The following MTMR8 variants were observed in gnomAD, a reference collection of about 807,000 sequenced individuals.
The protein encoded by MTMR8 is phosphatidylinositol-3,5-bisphosphate 3-phosphatase MTMR8.
Under a neutral mutation model 39.3 loss-of-function variants are expected in MTMR8, and 65 were observed. That is an observed-to-expected ratio of 1.65 (90% confidence interval 1.35 to 2.03). The LOEUF is 2.03. Among genes scored for constraint, MTMR8 ranks in the 30% most tolerant of loss-of-function variants. The pLI is 0.00. For synonymous variants in MTMR8, 245 were observed against 185.2 expected (o/e 1.32, Z -2.62); for missense variants, 777 against 538.9 (o/e 1.44, Z -4.37).
chrX:64,287,483 C>T (rs1921227070), intron 12 of MTMR8, among the ~76,000 whole-genome samples: 1 of 110,848 alleles, frequency 9.0e-6, no homozygotes, highest in East Asian at 2.9e-4. Context: ...TCATATGGAA[C>T]CAAAAAAAGA....
chrX:64,286,175 C>A (rs1391719741), intron 12 of MTMR8, among the ~76,000 whole-genome samples: 1 of 111,950 alleles, frequency 8.9e-6, no homozygotes, highest in Non-Finnish European at 1.9e-5. Flanking sequence ...ATATAAACTA[C>A]CATCAGAGAA....
At chrX:64,296,316 G>C (rs1921578933) in intron 12 of MTMR8, among the ~76,000 whole-genome samples, 1 of 111,258 alleles carries the variant, frequency 9.0e-6, no homozygotes, top group African/African-American at 3.3e-5. Context: ...CTGCTGGGAG[G>C]GGAAAATGGA....
intron 12 of MTMR8, among the ~76,000 whole-genome samples, chrX:64,280,658 C>T (rs766449236): frequency 6.3e-5 from 7 of 111,459 alleles, no homozygotes; most frequent in Admixed American, 5.7e-4. Flanking sequence ...TGCCCTCTCT[C>T]ACTACTCCTG....
At chrX:64,288,263 A>G in intron 12 of MTMR8, among the ~76,000 whole-genome samples, 1 of 110,798 alleles carries the variant, frequency 9.0e-6, no homozygotes. Flanking sequence ...TGAGCCATGA[A>G]ACAATGCTCA....
rs772618032 is a variant in MTMR8 at position 64,348,638 on chromosome X, G to T, written c.732+22C>A. 23 of 1,205,618 alleles carry T rather than the reference G, an allele frequency of 1.9e-5. No individual in the cohort carries two copies. In the Admixed American group the frequency reaches 4.2e-4, roughly 22 times the overall value. ...GAATGCAAGAGGCAGAAATATCAAA[G>T]AAATCACTGAGAAATAGATACCTTT... On this transcript the variant is annotated intron_variant, in intron 6 of 13. Transcript: ENST00000374852.
chrX:64,319,670 C>A (rs1922574876), intron 12 of MTMR8, among the ~76,000 whole-genome samples: 1 of 111,615 alleles, frequency 9.0e-6, no homozygotes, highest in Non-Finnish European at 1.9e-5. Flanking sequence ...AATCCTTTCC[C>A]CATTGCTTTT....
chrX:64,392,658 A>C (rs1160334082), intron 1 of MTMR8, among the ~76,000 whole-genome samples: 10 of 110,503 alleles, frequency 9.0e-5, no homozygotes, highest in African/African-American at 3.3e-4. Flanking sequence ...CCAGTTTTTA[A>C]GTTTATAGCA....
intron 12 of MTMR8, among the ~76,000 whole-genome samples, chrX:64,327,063 C>T (rs1043265466): frequency 6.3e-5 from 7 of 111,102 alleles, no homozygotes; most frequent in Non-Finnish European, 9.5e-5. Flanking sequence ...AATGAAAGAC[C>T]GAAAGCTATG....
At chrX:64,296,977 T>A (rs1326643726) in intron 12 of MTMR8, among the ~76,000 whole-genome samples, 1 of 102,986 alleles carries the variant, frequency 9.7e-6, no homozygotes, top group Admixed American at 1.1e-4. Context: ...ATCCAGTCTA[T>A]CATTGTTGGA....
At chrX:64,366,159 A>G (rs1923948171) in intron 1 of MTMR8, among the ~76,000 whole-genome samples, 1 of 111,677 alleles carries the variant, frequency 9.0e-6, no homozygotes, top group Admixed American at 9.5e-5. Context: ...TAATGATGGG[A>G]GACTTTAACA....
intron 12 of MTMR8, among the ~76,000 whole-genome samples, chrX:64,290,372 T>C (rs1377581013): frequency 9.0e-6 from 1 of 111,066 alleles, no homozygotes; most frequent in Non-Finnish European, 1.9e-5. Context: ...TTTAGTTTTT[T>C]ATCTTATATT....
rs1183598895 is a variant in MTMR8 at position 64,278,459 on chromosome X, GGTTTTTTT to G, written c.1482-7394_1482-7387del. ...TGATGTTGATGCTATTTATTTTGCT[GGTTTTTTT>G]TTTTTTTTTTTTTTTTTTTTTTTTG... On this transcript the variant is annotated intron_variant, in intron 12 of 13. Coordinates refer to ENST00000374852, the MANE Select transcript of MTMR8 (RefSeq NM_017677.4). Among the ~76,000 whole-genome samples, 3 of 49,868 alleles carry G rather than the reference GGTTTTTTT, an allele frequency of 6.0e-5. 1 individual carries two copies. The highest frequency in any genetic ancestry group is 3.4e-4 in the African/African-American group (3 of 8,741). 43.3% of individuals were successfully genotyped at this position (49,868 alleles called of 115,157 possible). A position where few individuals can be genotyped will look rare whatever the true frequency, so the allele number is the denominator to read the frequency against.
At chrX:64,290,417 T>C (rs781249042) in intron 12 of MTMR8, among the ~76,000 whole-genome samples, 1 of 110,607 alleles carries the variant, frequency 9.0e-6, no homozygotes, top group African/African-American at 3.3e-5. Context: ...TCTGACCAGA[T>C]GCACATTAAA....
At chrX:64,395,091 C>T (rs1189902319) in intron 1 of MTMR8, among the ~76,000 whole-genome samples, 2 of 111,972 alleles carry the variant, frequency 1.8e-5, no homozygotes, top group Non-Finnish European at 3.8e-5. Context: ...GCACCAGGAG[C>T]GGGGGCGGCG....
intron 12 of MTMR8, chrX:64,306,161 T>C (rs915746194): frequency 5.7e-5 from 16 of 279,283 alleles, no homozygotes; most frequent in Non-Finnish European, 7.7e-5. Flanking sequence ...CCAAGACTTA[T>C]GACATAATCT....
intron 1 of MTMR8, among the ~76,000 whole-genome samples, chrX:64,390,035 C>A (rs964787941): frequency 6.3e-5 from 7 of 111,897 alleles, no homozygotes; most frequent in Non-Finnish European, 1.3e-4. Context: ...AAAAACACTT[C>A]TTTACCCAGT....
intron 13 of MTMR8, among the ~76,000 whole-genome samples, chrX:64,270,058 A>G (rs189977917): frequency 3.2e-4 from 35 of 109,810 alleles, no homozygotes; most frequent in Non-Finnish European, 7.6e-5. Flanking sequence ...AGGAGCCGTT[A>G]AGAAGTTTCT....
intron 12 of MTMR8, among the ~76,000 whole-genome samples, chrX:64,323,403 G>A (rs1008955215): frequency 8.9e-6 from 1 of 111,855 alleles, no homozygotes; most frequent in Non-Finnish European, 1.9e-5. Context: ...TAACACCAGA[G>A]TACCCAAGTA....
At chrX:64,284,635 ACT>A (rs1921086505) in intron 12 of MTMR8, among the ~76,000 whole-genome samples, 1 of 111,949 alleles carries the variant, frequency 8.9e-6, no homozygotes, top group Non-Finnish European at 1.9e-5. Context: ...CTCAGCAGAA[ACT>A]CTACAAGCCA....
Sources: gnomAD v4.1 joint callset for allele counts (sites outside exome capture counted in the v4.1 genomes callset) on GRCh38, gnomAD v4.1.1 for gene constraint, MANE v1.5 for transcripts, NCBI Gene and HGNC (gene_info 2026-07-23, HGNC 2026-07-21) for gene names.